Variants in GDA observed in about 807,000 individuals in gnomAD.
GDA encodes the protein guanine deaminase, also known as cytoplasmic PSD-95 interactor.
GDA carries 18 observed loss-of-function variants against 59.6 expected under a neutral mutation model. That is an observed-to-expected ratio of 0.30 (90% CI 0.21 to 0.45). The LOEUF (loss-of-function observed/expected upper bound fraction) is 0.45. GDA is among the 20% of genes least tolerant of loss of function. The probability of loss-of-function intolerance (pLI) is 1.00; values close to 1 mark genes in which losing one functional copy is unlikely to be tolerated. For missense variants in GDA, 427 were observed against 552.3 expected (o/e 0.77, Z 2.27); for synonymous variants, 201 against 201.1 (o/e 1.00, Z 0.00).
intron 1 of GDA, among the ~76,000 whole-genome samples, chr9:72,127,065 T>G (rs776268685): frequency 3.9e-5 from 6 of 151,954 alleles, no homozygotes; most frequent in Non-Finnish European, 8.8e-5. Context: ...ACCATCTATC[T>G]GGCTCAAAAT....
chr9:72,146,735 G>A (rs1206183737), upstream of GDA, among the ~76,000 whole-genome samples: 4 of 152,038 alleles, frequency 2.6e-5, no homozygotes, highest in East Asian at 1.9e-4. Context: ...CAAGTGATCC[G>A]CCCTCCTCAG....
At chr9:72,212,118 G>A (rs766317057) in intron 4 of GDA, among the ~76,000 whole-genome samples, 2 of 152,156 alleles carry the variant, frequency 1.3e-5, no homozygotes, top group Non-Finnish European at 2.9e-5. Context: ...ATGAGGACTA[G>A]GTTCTAGTGC....
chr9:72,116,356 G>A (rs1486486838), intron 1 of GDA, among the ~76,000 whole-genome samples: 1 of 150,358 alleles, frequency 6.7e-6, no homozygotes, highest in Non-Finnish European at 1.5e-5. Flanking sequence ...ATGGCTAAAT[G>A]ACTCTACACC....
At chr9:72,222,554 G>A (rs1429968041) in intron 6 of GDA, among the ~76,000 whole-genome samples, 1 of 152,174 alleles carries the variant, frequency 6.6e-6, no homozygotes, top group Non-Finnish European at 1.5e-5. Context: ...CTGTGCAGAA[G>A]CTCTTTAGTT....
chr9:72,201,026 CTAAG>C (rs1464397589), intron 2 of GDA, among the ~76,000 whole-genome samples: 16 of 151,960 alleles, frequency 1.1e-4, no homozygotes, highest in Admixed American at 1.0e-3. Context: ...CTCATACTTA[CTAAG>C]TTTCTTGTGA....
chr9:72,118,762 A>G (rs980898644), intron 1 of GDA, among the ~76,000 whole-genome samples: 1 of 152,230 alleles, frequency 6.6e-6, no homozygotes, highest in Non-Finnish European at 1.5e-5. Context: ...ATGAGCATGT[A>G]AAGAAATAGG....
At chr9:72,232,673 A>G (rs140722060) in intron 10 of GDA, among the ~76,000 whole-genome samples, 12 of 152,354 alleles carry the variant, frequency 7.9e-5, no homozygotes, top group African/African-American at 2.9e-4. Context: ...TCCATAATTT[A>G]AGTTCATCAC....
At position 72,206,759 on chromosome 9, in the gene GDA, G is replaced by A. The variant is rs151260916; in HGVS notation, c.385-3928G>A. 5.7e-3 allele frequency among the ~76,000 whole-genome samples: 873 copies of A among 152,196 alleles called. 8 individuals are homozygous for A. Among genetic ancestry groups the A allele is most frequent in the African/African-American group, 0.02 (846 of 41,538 alleles). On this transcript the variant is annotated intron_variant, in intron 3 of 13. Transcript: ENST00000358399. ...TGCACTCTAGTCTGGGTGACAGAGT[G>A]AGACTCCATCTCAATAATAATAATT...
chr9:72,178,410 GAT>G (rs1491554974), intron 1 of GDA, among the ~76,000 whole-genome samples: 20 of 143,832 alleles, frequency 1.4e-4, no homozygotes, highest in African/African-American at 4.0e-4. Flanking sequence ...AGTTGGAATC[GAT>G]ATTTTTTTTT....
chr9:72,256,312 A>G (rs1340748567), downstream of GDA, among the ~76,000 whole-genome samples: 3 of 152,242 alleles, frequency 2.0e-5, no homozygotes. Flanking sequence ...TTCATAATAA[A>G]TACCAGGTAT....
chr9:72,242,792 T>C (rs1839766942), intron 11 of GDA, among the ~76,000 whole-genome samples: 1 of 152,144 alleles, frequency 6.6e-6, no homozygotes, highest in South Asian at 2.1e-4. Context: ...CACACCACCA[T>C]TGTCTTTTCA....
intron 8 of GDA, 64 bp downstream of exon 8, chr9:72,225,848 T>C (rs574199189): frequency 2.8e-5 from 19 of 677,520 alleles, no homozygotes; most frequent in African/African-American, 2.6e-4. Context: ...TTTTAAAATC[T>C]CAATAGTAAT....
At chr9:72,161,624 C>T (rs975393150) in intron 1 of GDA, among the ~76,000 whole-genome samples, 4 of 152,112 alleles carry the variant, frequency 2.6e-5, no homozygotes, top group African/African-American at 9.7e-5. Context: ...ATTATAAAGG[C>T]CTGCTTGCTT....
At chr9:72,225,626 T>C (rs1446481089) in intron 7 of GDA, 51 bp from the exon 8 acceptor site, 1 of 874,976 alleles carries the variant, frequency 1.1e-6, no homozygotes, top group East Asian at 2.4e-5. Context: ...AAGTGTAATT[T>C]CTAATGGTAT....
At chr9:72,245,035 A>AT in intron 11 of GDA, 113 bp from the exon 12 acceptor site, 202 of 856,518 alleles carry the variant, frequency 2.4e-4, no homozygotes, top group Middle Eastern at 4.7e-4. Flanking sequence ...TTAAGATACT[A>AT]ATTTTTTTTT....
intron 8 of GDA, 138 bp from the exon 9 acceptor site, chr9:72,227,805 T>C: frequency 3.2e-6 from 2 of 616,982 alleles, no homozygotes; most frequent in South Asian, 1.9e-5. Context: ...TTTGTACATA[T>C]AGATCATCAT....
chr9:72,217,562 T>A (rs1836291145), intron 5 of GDA, among the ~76,000 whole-genome samples: 1 of 152,242 alleles, frequency 6.6e-6, no homozygotes, highest in African/African-American at 2.4e-5. Flanking sequence ...TATTTTTGTG[T>A]AACAAATTAT....
intron 6 of GDA, among the ~76,000 whole-genome samples, chr9:72,222,405 A>G (rs1406463427): frequency 1.3e-5 from 2 of 152,020 alleles, no homozygotes; most frequent in East Asian, 3.9e-4. Flanking sequence ...CCCACTTTTT[A>G]ATTGGGTTGT....
intron 9 of GDA, 54 bp from the exon 10 acceptor site, chr9:72,231,060 T>C (rs1487537869): frequency 1.0e-6 from 1 of 981,618 alleles, no homozygotes; most frequent in Non-Finnish European, 1.7e-6. Flanking sequence ...TTAGTGTTCA[T>C]CTTTTATTGG....
Sources: gnomAD v4.1 joint callset for allele counts (sites outside exome capture counted in the v4.1 genomes callset) on GRCh38, gnomAD v4.1.1 for gene constraint, MANE v1.5 for transcripts, NCBI Gene and HGNC (gene_info 2026-07-23, HGNC 2026-07-21) for gene names.